CSMD1: variants seen among roughly 807,000 people sequenced by gnomAD.
CSMD1 encodes CUB and sushi domain-containing protein 1.
In CSMD1, 213 loss-of-function variants were observed where a neutral mutation model predicts 417.5. That is an observed-to-expected ratio of 0.51 (90% CI 0.46 to 0.57). The LOEUF (loss-of-function observed/expected upper bound fraction) is 0.57. CSMD1 is among the 20% of genes least tolerant of loss of function. The pLI is 0.00. For missense variants in CSMD1, 6,923 were observed against 4,529.7 expected, an observed-to-expected ratio of 1.53 and a Z score of -15.17; for synonymous variants, 2,862 against 1,736.8, an observed-to-expected ratio of 1.65 and a Z score of -16.11.
Position 3,399,505 on chromosome 8 carries a change from G to T in CSMD1, c.2291C>A (p.Ala764Glu). 1 of 1,599,482 alleles carries T rather than the reference G, an allele frequency of 6.3e-7. No individual in the cohort carries two copies. Among genetic ancestry groups the T allele is most frequent in the Admixed American group, 1.7e-5 (1 of 57,886 alleles). The change falls in exon 16 of 70, where the codon GCG becomes GAG. Residue 764 changes from alanine to glutamate, a missense_variant. Physicochemically the swap from Ala to Glu is moderately radical, Grantham distance 107. Coordinates refer to ENST00000635120, the MANE Select transcript of CSMD1 (RefSeq NM_033225.6). The stretch of plus-strand genomic sequence containing the variant: ...AGGAGGCAAAATGACTCCGCTGGAC[G>T]CTGTCAGATGTCCACCACATGGAGC... ...CEAPCGGHLT[A>E]SSGVILPPGW...
chr8:4,066,048 A>G (rs558309447), intron 3 of CSMD1, among the ~76,000 whole-genome samples: 1 of 152,308 alleles, frequency 6.6e-6, no homozygotes, highest in African/African-American at 2.4e-5. Flanking sequence ...CTAAGAAAGG[A>G]ATGGGAAAGC....
chr8:4,758,108 A>C (rs774684432), intron 1 of CSMD1, among the ~76,000 whole-genome samples: 1 of 152,172 alleles, frequency 6.6e-6, no homozygotes, highest in African/African-American at 2.4e-5. Flanking sequence ...GAAACCAACC[A>C]AAGGAAATAA....
At chr8:4,005,186 G>C (rs115328996) in intron 4 of CSMD1, among the ~76,000 whole-genome samples, 2,098 of 152,228 alleles carry the variant, frequency 0.014, 51 homozygotes, top group African/African-American at 0.048. Context: ...ATATGATGCA[G>C]TGCATACTGC....
At chr8:3,463,615 G>C (rs1283601125) in intron 12 of CSMD1, among the ~76,000 whole-genome samples, 1 of 152,206 alleles carries the variant, frequency 6.6e-6, no homozygotes, top group African/African-American at 2.4e-5. Context: ...ACAAGGACCA[G>C]TGAGCTGTCC....
intron 2 of CSMD1, among the ~76,000 whole-genome samples, chr8:4,444,220 T>C (rs143716004): frequency 2.0e-5 from 3 of 151,740 alleles, no homozygotes; most frequent in Admixed American, 6.6e-5. Context: ...CACAGACCTG[T>C]GATCCCAACT....
chr8:3,428,106 T>G (rs1813974985), intron 12 of CSMD1, among the ~76,000 whole-genome samples: 1 of 152,352 alleles, frequency 6.6e-6, no homozygotes, highest in South Asian at 2.1e-4. Flanking sequence ...TTACAGCACC[T>G]GAAATTTGAA....
rs376401718 is a variant in CSMD1 at position 4,052,001 on chromosome 8, C to T, written c.416-19902G>A. Among the ~76,000 whole-genome samples the T allele has an allele frequency of 4.6e-5, 7 of 151,938 alleles. No individual in the cohort carries two copies. The South Asian group carries it at 1.5e-3, about 32-fold the overall frequency. Reference sequence around the variant, plus strand: ...AGTGCAACAGTGTTATCTCGGCTCACTGCAACCTCTGTCTCCCTGTCATAT... The same window carrying T: ...AGTGCAACAGTGTTATCTCGGCTCATTGCAACCTCTGTCTCCCTGTCATAT... On this transcript the variant is annotated intron_variant, in intron 3 of 69. Transcript: ENST00000635120.
intron 3 of CSMD1, among the ~76,000 whole-genome samples, chr8:4,393,135 C>A (rs1056864333): frequency 1.3e-5 from 2 of 151,916 alleles, no homozygotes; most frequent in Non-Finnish European, 1.5e-5. Context: ...GCCACCACGC[C>A]CGACTAATTT....
intron 1 of CSMD1, among the ~76,000 whole-genome samples, chr8:4,941,235 G>A (rs995772338): frequency 5.9e-5 from 9 of 151,308 alleles, no homozygotes; most frequent in African/African-American, 2.2e-4. Context: ...TTGTAACATT[G>A]TAACACTCTT....
intron 7 of CSMD1, among the ~76,000 whole-genome samples, chr8:3,693,217 G>C (rs908698796): frequency 2.0e-5 from 3 of 152,152 alleles, no homozygotes; most frequent in Non-Finnish European, 2.9e-5. Flanking sequence ...TCAAATGCTT[G>C]TCACGACAAC....
At chr8:4,834,371 G>A (rs150054742) in intron 1 of CSMD1, among the ~76,000 whole-genome samples, 3 of 152,232 alleles carry the variant, frequency 2.0e-5, no homozygotes, top group Non-Finnish European at 4.4e-5. Flanking sequence ...GAAGATATAC[G>A]TTAGGAGAGA....
rs1384523762 is a variant in CSMD1 at position 3,057,724 on chromosome 8, C to T, written c.7475-5077G>A. 4.6e-5 allele frequency among the ~76,000 whole-genome samples: 7 copies of T among 152,228 alleles called. No homozygotes were observed. In the East Asian group the frequency reaches 5.8e-4, roughly 13 times the overall value. On this transcript the variant is annotated intron_variant, in intron 49 of 69. Transcript: ENST00000635120. ...TCATTAAAAGGCTGAGGCCTCAAAA[C>T]GGTTCTGCTGAATTCAGGTAGACTT...
chr8:3,684,851 T>C (rs971941530), intron 7 of CSMD1, among the ~76,000 whole-genome samples: 1 of 152,170 alleles, frequency 6.6e-6, no homozygotes, highest in Non-Finnish European at 1.5e-5. Context: ...CGACTCTTAT[T>C]ACATTCAGAA....
At chr8:3,915,076 A>C (rs1250847097) in intron 5 of CSMD1, among the ~76,000 whole-genome samples, 2 of 152,274 alleles carry the variant, frequency 1.3e-5, no homozygotes, top group African/African-American at 4.8e-5. Flanking sequence ...TGAATTAATT[A>C]GGGATCGGAA....
chr8:3,058,933 C>G (rs1479281166), intron 49 of CSMD1, among the ~76,000 whole-genome samples: 1 of 152,112 alleles, frequency 6.6e-6, no homozygotes, highest in Non-Finnish European at 1.5e-5. Flanking sequence ...TGCTGCTTCT[C>G]TGAATGCACT....
At chr8:3,954,156 A>G (rs1811768874) in intron 5 of CSMD1, among the ~76,000 whole-genome samples, 1 of 152,202 alleles carries the variant, frequency 6.6e-6, no homozygotes, top group African/African-American at 2.4e-5. Context: ...ATGGGTCTGT[A>G]GAAACTTCAG....
At chr8:3,331,298 C>G (rs1296099773) in intron 23 of CSMD1, among the ~76,000 whole-genome samples, 2 of 151,648 alleles carry the variant, frequency 1.3e-5, no homozygotes, top group African/African-American at 2.4e-5. Context: ...ACTGAGGGAG[C>G]AACTAACGTT....
At chr8:3,305,143 A>G (rs560232282) in intron 25 of CSMD1, among the ~76,000 whole-genome samples, 1 of 152,246 alleles carries the variant, frequency 6.6e-6, no homozygotes, top group African/African-American at 2.4e-5. Context: ...ATCCCCTCAA[A>G]GAAAGTGCTG....
intron 12 of CSMD1, among the ~76,000 whole-genome samples, chr8:3,439,633 C>G (rs1459996833): frequency 6.6e-6 from 1 of 151,372 alleles, no homozygotes; most frequent in African/African-American, 2.4e-5. Context: ...GATTTTTCTC[C>G]GAGATGTTTT....
Sources: gnomAD v4.1 joint callset for allele counts (sites outside exome capture counted in the v4.1 genomes callset) on GRCh38, gnomAD v4.1.1 for gene constraint, MANE v1.5 for transcripts, NCBI Gene and HGNC (gene_info 2026-07-23, HGNC 2026-07-21) for gene names.